GON4L: variants seen among roughly 807,000 people sequenced by gnomAD.
GON4L encodes gon-4 like.
In GON4L, 87 loss-of-function variants were observed where a neutral mutation model predicts 211.8. The observed-to-expected ratio is 0.41, with a 90% CI of 0.35 to 0.49. The LOEUF is 0.49. Ranked by LOEUF, GON4L falls within the 20% of genes least tolerant of loss-of-function variation. The pLI is 0.15. For synonymous variants in GON4L, 875 were observed against 962.6 expected, an observed-to-expected ratio of 0.91 and a Z score of 1.68; for missense variants, 2,155 against 2,659.5, an observed-to-expected ratio of 0.81 and a Z score of 4.17.
intron 18 of GON4L, among the ~76,000 whole-genome samples, chr1:155,772,021 G>C (rs1018951096): frequency 2.6e-5 from 4 of 152,056 alleles, no homozygotes; most frequent in African/African-American, 9.7e-5. Flanking sequence ...AAAATAGCCA[G>C]GTGTAGTGGT....
At chr1:155,827,632 G>A (rs1669336055) in intron 2 of GON4L, among the ~76,000 whole-genome samples, 1 of 151,810 alleles carries the variant, frequency 6.6e-6, no homozygotes, top group Non-Finnish European at 1.5e-5. Context: ...GTTACAGGGA[G>A]ATACGATTCC....
intron 2 of GON4L, among the ~76,000 whole-genome samples, chr1:155,850,540 G>A (rs761891554): frequency 3.3e-5 from 5 of 152,170 alleles, no homozygotes; most frequent in Admixed American, 1.3e-4. Context: ...CAGAGAGGGC[G>A]TGACCAACAC....
chr1:155,794,982 A>T (rs1665932892), intron 12 of GON4L, 68 bp downstream of exon 12: 1 of 920,620 alleles, frequency 1.1e-6, no homozygotes, highest in Admixed American at 1.7e-5. Context: ...ACCCCTAAAA[A>T]TCTACAAAGT....
intron 9 of GON4L, 24 bp downstream of exon 9, chr1:155,814,306 C>A (rs376573353): frequency 6.2e-7 from 1 of 1,603,614 alleles, no homozygotes; most frequent in African/African-American, 1.3e-5. Flanking sequence ...TGTCTAACAT[C>A]TCTTTTGTAT....
chr1:155,771,034 G>A (rs763433942), intron 19 of GON4L, 33 bp downstream of exon 19: 4 of 1,613,982 alleles, frequency 2.5e-6, no homozygotes, highest in Middle Eastern at 1.7e-4. Context: ...ATATTGGTGA[G>A]GTGCCCGGAT....
intron 3 of GON4L, among the ~76,000 whole-genome samples, chr1:155,825,969 G>A (rs554070725): frequency 3.4e-4 from 51 of 152,066 alleles, no homozygotes; most frequent in Non-Finnish European, 6.8e-4. Flanking sequence ...CTTGAACCTG[G>A]GAGGCGGAGG....
intron 7 of GON4L, 110 bp downstream of exon 7, chr1:155,816,102 C>G: frequency 2.8e-6 from 2 of 711,376 alleles, no homozygotes; most frequent in South Asian, 3.2e-5. Flanking sequence ...AAAAACAAAG[C>G]TGGAATTAAA....
chr1:155,852,648 CAGG>C (rs1195558675), intron 2 of GON4L, among the ~76,000 whole-genome samples: 4 of 152,118 alleles, frequency 2.6e-5, no homozygotes, highest in African/African-American at 7.2e-5. Flanking sequence ...GAGGCTGAGG[CAGG>C]AGAATGGCGT....
chr1:155,822,609 A>G (rs963903999), intron 3 of GON4L, 133 bp from the exon 4 acceptor site: 13 of 720,948 alleles, frequency 1.8e-5, no homozygotes, highest in African/African-American at 3.5e-5. Flanking sequence ...AAAAGGACAC[A>G]TATTATATGA....
At chr1:155,843,540 A>ATC (rs1447855537) in intron 2 of GON4L, among the ~76,000 whole-genome samples, 1 of 152,140 alleles carries the variant, frequency 6.6e-6, no homozygotes, top group African/African-American at 2.4e-5. Flanking sequence ...CCAGTGTACT[A>ATC]ATGATACTAT....
At chr1:155,856,789 A>G (rs1672325873) in intron 1 of GON4L, among the ~76,000 whole-genome samples, 1 of 150,248 alleles carries the variant, frequency 6.7e-6, no homozygotes, top group South Asian at 2.1e-4. Flanking sequence ...AAAGAAAAAG[A>G]AGGAAAGAAA....
At chr1:155,798,238 A>G (rs542266871) in intron 11 of GON4L, among the ~76,000 whole-genome samples, 134 of 141,266 alleles carry the variant, frequency 9.5e-4, no homozygotes, top group African/African-American at 3.4e-3. Context: ...TACTCAGCTT[A>G]TAATATATTA....
rs74490775 is a variant in GON4L, at chr1:155,835,658, G to A, written c.506-8630C>T. On this transcript the variant is annotated intron_variant, in intron 2 of 31. Coordinates refer to ENST00000368331, the MANE Select transcript of GON4L (RefSeq NM_001282860.2). ...TCTGGGTATTTTGGCATTTGGCACC[G>A]TTTCATTTTTTTTCCATGTTGTCTT... is the stretch of plus-strand genomic sequence containing the variant. Among the ~76,000 whole-genome samples, 497 of 152,158 alleles carry A rather than the reference G, an allele frequency of 3.3e-3. 2 individuals are homozygous for A. Among genetic ancestry groups the A allele is most frequent in the African/African-American group, 0.011 (469 of 41,514 alleles).
intron 6 of GON4L, among the ~76,000 whole-genome samples, chr1:155,820,070 C>A (rs188089987): frequency 5.3e-5 from 8 of 152,280 alleles, no homozygotes; most frequent in Admixed American, 3.3e-4. Flanking sequence ...CACACCACCA[C>A]ACCCAGCTAA....
intron 19 of GON4L, among the ~76,000 whole-genome samples, chr1:155,769,046 C>T (rs1028733815): frequency 6.6e-6 from 1 of 152,138 alleles, no homozygotes; most frequent in South Asian, 2.1e-4. Context: ...GAGTGATCCA[C>T]GCTTACTGAA....
chr1:155,839,667 A>T (rs867671677), intron 2 of GON4L, among the ~76,000 whole-genome samples: 1 of 151,624 alleles, frequency 6.6e-6, no homozygotes, highest in Non-Finnish European at 1.5e-5. Flanking sequence ...AAAAAAAAAA[A>T]GGTAGTATTG....
chr1:155,807,574 G>T (rs542222715), intron 10 of GON4L, among the ~76,000 whole-genome samples: 1 of 151,326 alleles, frequency 6.6e-6, no homozygotes, highest in East Asian at 1.9e-4. Flanking sequence ...CATGGTGGCA[G>T]GCGCCTGTAG....
At chr1:155,831,360 A>G (rs822483) in intron 2 of GON4L, among the ~76,000 whole-genome samples, 142,376 of 152,110 alleles carry the variant, frequency 0.94, 67,402 homozygotes, top group East Asian at 1. Flanking sequence ...CAAGGCAGAA[A>G]GATTACTTGA....
chr1:155,791,105 T>C (rs1665502466), intron 12 of GON4L, among the ~76,000 whole-genome samples: 1 of 150,906 alleles, frequency 6.6e-6, no homozygotes, highest in Non-Finnish European at 1.5e-5. Context: ...CTACTAAAAA[T>C]ACAAAAAGTA....
Sources: allele counts gnomAD v4.1 joint callset (sites outside exome capture counted in the v4.1 genomes callset), GRCh38; gene constraint gnomAD v4.1.1; transcripts MANE v1.5; gene names NCBI Gene and HGNC (gene_info 2026-07-23, HGNC 2026-07-21).